The following KAZN variants were observed in gnomAD, a reference collection of about 807,000 sequenced individuals.
The protein encoded by KAZN is kazrin.
In KAZN, 40 loss-of-function variants were observed where a neutral mutation model predicts 87.4. The ratio of observed to expected loss-of-function variants is 0.46; its 90% CI spans 0.36 to 0.60. The LOEUF is 0.60. Among genes scored for constraint, KAZN ranks in the 20% least tolerant of loss-of-function variants. The pLI is 0.00. For missense variants in KAZN, 898 were observed against 1,073.9 expected, an observed-to-expected ratio of 0.84 and a Z score of 2.29; for synonymous variants, 466 against 458.3, an observed-to-expected ratio of 1.02 and a Z score of -0.22.
At chr1:14,378,619 C>A (rs920696121) in intron 2 of KAZN, among the ~76,000 whole-genome samples, 2 of 152,282 alleles carry the variant, frequency 1.3e-5, no homozygotes, top group East Asian at 3.9e-4. Context: ...GCATTGAACT[C>A]AGTGCTGCCC....
intron 1 of KAZN, among the ~76,000 whole-genome samples, chr1:14,022,268 A>T (rs1452315535): frequency 1.3e-5 from 2 of 152,050 alleles, no homozygotes; most frequent in African/African-American, 4.8e-5. Context: ...CATGGTGTTT[A>T]TATCTAATCT....
At chr1:14,477,367 G>T (rs1361371935) in intron 2 of KAZN, among the ~76,000 whole-genome samples, 1 of 151,660 alleles carries the variant, frequency 6.6e-6, no homozygotes, top group Non-Finnish European at 1.5e-5. Context: ...CCAGCTTCGG[G>T]TACGTCTTTA....
chr1:14,738,393 G>A lies in KAZN; in HGVS notation c.226+139170G>A, dbSNP rs1015226692. ...ATGACACAGCAGTGCCCTGAACCCTGGCTGCTGCTCCAGCACACTCAGTCT... is the reference window on the plus strand; with the variant it reads ...ATGACACAGCAGTGCCCTGAACCCTAGCTGCTGCTCCAGCACACTCAGTCT... On this transcript the variant is annotated intron_variant, in intron 1 of 14. Coordinates refer to ENST00000376030, the MANE Select transcript of KAZN (RefSeq NM_201628.3). Among the ~76,000 whole-genome samples, 10 of 152,128 alleles carry A rather than the reference G, an allele frequency of 6.6e-5. No homozygotes were observed. In the East Asian group the frequency reaches 1.9e-3, roughly 29 times the overall value.
chr1:14,672,016 G>A (rs1639947286), intron 1 of KAZN, among the ~76,000 whole-genome samples: 1 of 152,132 alleles, frequency 6.6e-6, no homozygotes, highest in Non-Finnish European at 1.5e-5. Flanking sequence ...CATTACTTTA[G>A]AGCTTCTGCA....
chr1:14,078,891 A>T (rs1036219530), intron 1 of KAZN, among the ~76,000 whole-genome samples: 6 of 152,076 alleles, frequency 3.9e-5, no homozygotes, highest in African/African-American at 1.4e-4. Context: ...CACCATGTTG[A>T]ACAGGCTGGT....
At chr1:14,579,869 A>G (rs1398414283) in intron 2 of KAZN, among the ~76,000 whole-genome samples, 4 of 152,050 alleles carry the variant, frequency 2.6e-5, no homozygotes, top group Non-Finnish European at 5.9e-5. Context: ...TGCTGGTATT[A>G]ATAAGCGGCA....
At chr1:14,341,078 G>T (rs1571340897) in intron 2 of KAZN, among the ~76,000 whole-genome samples, 2 of 18,992 alleles carry the variant, frequency 1.1e-4, no homozygotes, top group South Asian at 3.0e-3. Context: ...AGTAGAGATT[G>T]GGGGGGGTTT....
At chr1:14,529,175 G>A (rs1267592119) in intron 2 of KAZN, among the ~76,000 whole-genome samples, 1 of 152,050 alleles carries the variant, frequency 6.6e-6, no homozygotes, top group Admixed American at 6.5e-5. Context: ...GTGGTGGCAG[G>A]CACCTGTAAT....
chr1:14,460,179 G>C (rs1350274551), intron 2 of KAZN, among the ~76,000 whole-genome samples: 1 of 152,158 alleles, frequency 6.6e-6, no homozygotes, highest in Non-Finnish European at 1.5e-5. Context: ...GTATCAAAGG[G>C]CACCTATAAC....
chr1:15,013,510 T>C (rs1461607296), intron 2 of KAZN, among the ~76,000 whole-genome samples: 1 of 152,012 alleles, frequency 6.6e-6, no homozygotes, highest in East Asian at 1.9e-4. Flanking sequence ...TCCAAGCGCT[T>C]TGGGAGGCCA....
At chr1:13,961,400 T>C (rs1641747711) in intron 1 of KAZN, among the ~76,000 whole-genome samples, 1 of 152,166 alleles carries the variant, frequency 6.6e-6, no homozygotes, top group South Asian at 2.1e-4. Context: ...ATCATAAATG[T>C]CACAGAGAAA....
intron 2 of KAZN, among the ~76,000 whole-genome samples, chr1:14,459,967 G>C (rs1461107811): frequency 6.6e-6 from 1 of 152,060 alleles, no homozygotes; most frequent in Non-Finnish European, 1.5e-5. Flanking sequence ...TACTTAACTA[G>C]TAGAGTAAGC....
At chr1:14,875,631 C>T (rs1490524647) in intron 1 of KAZN, among the ~76,000 whole-genome samples, 1 of 152,186 alleles carries the variant, frequency 6.6e-6, no homozygotes, top group Non-Finnish European at 1.5e-5. Flanking sequence ...CTGCTCCAGG[C>T]TCCTGAGAGC....
intron 1 of KAZN, among the ~76,000 whole-genome samples, chr1:13,944,495 A>T (rs1273788498): frequency 1.3e-5 from 2 of 152,224 alleles, no homozygotes; most frequent in Non-Finnish European, 2.9e-5. Flanking sequence ...TGACTTGTAC[A>T]CTTGAGATGA....
chr1:14,596,132 C>G (rs2148588544), upstream of KAZN, among the ~76,000 whole-genome samples: 1 of 152,298 alleles, frequency 6.6e-6, no homozygotes, highest in Non-Finnish European at 1.5e-5. Context: ...TTACAGAACA[C>G]TTACTACGGG....
intron 2 of KAZN, among the ~76,000 whole-genome samples, chr1:14,236,874 T>C (rs946482): frequency 0.47 from 71,235 of 152,020 alleles, 17,975 homozygotes; most frequent in Non-Finnish European, 0.57. Context: ...CCATGAGCCA[T>C]GATCACACCA....
chr1:14,160,975 A>G (rs567002970), intron 1 of KAZN, among the ~76,000 whole-genome samples: 2 of 152,218 alleles, frequency 1.3e-5, no homozygotes, highest in East Asian at 3.8e-4. Context: ...TTGTGTTATG[A>G]CTTATCCTTC....
intron 1 of KAZN, among the ~76,000 whole-genome samples, chr1:14,688,377 C>T (rs1355098557): frequency 6.6e-6 from 1 of 152,214 alleles, no homozygotes; most frequent in Non-Finnish European, 1.5e-5. Context: ...TGCTCACCAC[C>T]GTATTCCCTG....
chr1:13,943,719 TA>T (rs754515881), intron 1 of KAZN, among the ~76,000 whole-genome samples: 4 of 151,640 alleles, frequency 2.6e-5, no homozygotes, highest in Non-Finnish European at 4.4e-5. Context: ...CTAAAACAAA[TA>T]ATATATATAA....
Sources: gnomAD v4.1 joint callset for allele counts (sites outside exome capture counted in the v4.1 genomes callset) on GRCh38, gnomAD v4.1.1 for gene constraint, MANE v1.5 for transcripts, NCBI Gene and HGNC (gene_info 2026-07-23, HGNC 2026-07-21) for gene names.